Variants in SULF2 observed in about 807,000 individuals in gnomAD.
SULF2 encodes the protein extracellular sulfatase Sulf-2.
Under a neutral mutation model 107.7 loss-of-function variants are expected in SULF2, and 52 were observed. The ratio of observed to expected loss-of-function variants is 0.48; its 90% CI spans 0.39 to 0.61. The LOEUF (loss-of-function observed/expected upper bound fraction) is 0.61, where lower values mean the gene tolerates loss of function less well. SULF2 is among the 20% of genes least tolerant of loss of function. The probability of loss-of-function intolerance (pLI) is 0.00; values close to 1 mark genes in which losing one functional copy is unlikely to be tolerated. For synonymous variants in SULF2, 460 were observed against 464.3 expected (o/e 0.99, Z 0.12); for missense variants, 993 against 1,177.3 (o/e 0.84, Z 2.29).
chr20:47,752,985 C>T (rs1264053350), intron 2 of SULF2, among the ~76,000 whole-genome samples: 1 of 150,946 alleles, frequency 6.6e-6, no homozygotes, highest in African/African-American at 2.4e-5. Context: ...CCTGTAATTC[C>T]AGCTACTTGG....
chr20:47,722,857 G>T (rs1769262105), intron 3 of SULF2, among the ~76,000 whole-genome samples: 1 of 152,132 alleles, frequency 6.6e-6, no homozygotes, highest in Admixed American at 6.5e-5. Context: ...CTTGAGGTCA[G>T]GAGTTCAAGA....
Position 47,690,314 on chromosome 20 carries a change from C to T in SULF2, c.568-19G>A, listed in dbSNP as rs371522554. The T allele has an allele frequency of 2.6e-5, 37 of 1,436,580 alleles. No homozygotes were observed. In the East Asian group the frequency reaches 6.8e-4, roughly 26 times the overall value. The allele number at this position is 1,436,580 out of a possible 1,614,324, so 89.0% of individuals were successfully genotyped here. A position where few individuals can be genotyped will look rare whatever the true frequency, so the allele number is the denominator to read the frequency against. On this transcript the variant is annotated intron_variant, in intron 4 of 20. Transcript: ENST00000688720. ...GGTAATCCTGGGGGGTGGGGAGAGA[C>T]AGGAGAACAGGTGAGGAGCCAGGTA...
chr20:47,668,321 CCT>C (rs1203697643), intron 11 of SULF2, among the ~76,000 whole-genome samples: 1 of 152,236 alleles, frequency 6.6e-6, no homozygotes, highest in Non-Finnish European at 1.5e-5. Context: ...TTCCCTTATA[CCT>C]CTGCAGTCGC....
intron 2 of SULF2, among the ~76,000 whole-genome samples, chr20:47,748,704 A>G (rs1458446214): frequency 6.6e-6 from 1 of 152,060 alleles, no homozygotes; most frequent in East Asian, 1.9e-4. Context: ...GATCGGAGAA[A>G]GAAGAGAGTG....
At chr20:47,691,736 A>C (rs1045764676) in intron 4 of SULF2, among the ~76,000 whole-genome samples, 10 of 152,302 alleles carry the variant, frequency 6.6e-5, no homozygotes, top group South Asian at 2.1e-4. Flanking sequence ...CACACACACA[A>C]AAAAGGGATG....
intron 1 of SULF2, among the ~76,000 whole-genome samples, chr20:47,762,646 G>A (rs528104467): frequency 6.6e-6 from 1 of 152,246 alleles, no homozygotes; most frequent in Non-Finnish European, 1.5e-5. Context: ...CATTTGCCAG[G>A]TGGCCAGGTG....
rs1288689684 is a variant in SULF2 at position 47,672,215 on chromosome 20, T to G, written c.1559A>C (p.Lys520Thr). ...ACACTTACTCTTCTTGAAGAGTTTT[T>G]TCCGGCGTCCGGCCAGGCTGAGCTT... The part of the protein sequence containing the change: ...DYKLSLAGRR[K>T]KLFKKKYKAS... Residue 520 changes from lysine (K) to threonine (T), a missense_variant, in exon 11 of 21, where the codon AAA becomes ACA. Lys to Thr is a moderately conservative substitution (Grantham distance 78). Coordinates refer to ENST00000688720, the MANE Select transcript of SULF2 (RefSeq NM_001387048.1). The G allele has an allele frequency of 1.2e-6, 2 of 1,609,262 alleles. No homozygotes were observed. Among genetic ancestry groups the G allele is most frequent in the East Asian group, 2.2e-5 (1 of 44,746 alleles).
chr20:47,734,242 T>A (rs746198017), intron 3 of SULF2, among the ~76,000 whole-genome samples: 2 of 152,178 alleles, frequency 1.3e-5, no homozygotes, highest in African/African-American at 2.4e-5. Context: ...CCGGTCTCTC[T>A]CACACACACA....
intron 1 of SULF2, among the ~76,000 whole-genome samples, chr20:47,778,526 A>G (rs553198468): frequency 6.6e-6 from 1 of 152,390 alleles, no homozygotes; most frequent in South Asian, 2.1e-4. Context: ...CTGGTTACAG[A>G]GAATTCCAAG....
At chr20:47,713,764 T>A (rs964593808) in intron 3 of SULF2, among the ~76,000 whole-genome samples, 7 of 144,170 alleles carry the variant, frequency 4.9e-5, no homozygotes, top group African/African-American at 1.8e-4. Flanking sequence ...AAAAAAAAAA[T>A]AATAAAAAAC....
At chr20:47,683,270 C>T (rs2146506310) in intron 6 of SULF2, 101 bp from the exon 7 acceptor site, 1 of 1,235,030 alleles carries the variant, frequency 8.1e-7, no homozygotes, top group Non-Finnish European at 1.1e-6. Context: ...CCCGTCCCTC[C>T]CCTGCTTCAG....
intron 4 of SULF2, among the ~76,000 whole-genome samples, chr20:47,701,408 T>C (rs775810356): frequency 6.6e-6 from 1 of 152,204 alleles, no homozygotes; most frequent in Non-Finnish European, 1.5e-5. Flanking sequence ...TGAAAATTCA[T>C]CCAGCGGTCC....
At chr20:47,720,609 A>AT (rs1304737486) in intron 3 of SULF2, among the ~76,000 whole-genome samples, 18 of 149,276 alleles carry the variant, frequency 1.2e-4, no homozygotes, top group African/African-American at 4.5e-4. Flanking sequence ...AAATTTCCAG[A>AT]TTTTAAAAAG....
chr20:47,767,053 C>T (rs1191541435), intron 1 of SULF2, among the ~76,000 whole-genome samples: 1 of 152,046 alleles, frequency 6.6e-6, no homozygotes, highest in Admixed American at 6.6e-5. Context: ...GAAAATGCCA[C>T]AGGGAACACG....
intron 3 of SULF2, among the ~76,000 whole-genome samples, chr20:47,725,888 G>C (rs2089429325): frequency 6.6e-6 from 1 of 152,204 alleles, no homozygotes; most frequent in Admixed American, 6.5e-5. Context: ...GACACGGATG[G>C]ATTCCCAAAG....
At chr20:47,779,388 G>A (rs993542182) in intron 1 of SULF2, among the ~76,000 whole-genome samples, 1 of 152,018 alleles carries the variant, frequency 6.6e-6, no homozygotes, top group African/African-American at 2.4e-5. Context: ...GAAGTCCTGT[G>A]GGCCCTACCT....
At chr20:47,670,905 AAT>A (rs1358955618) in intron 11 of SULF2, among the ~76,000 whole-genome samples, 13 of 152,048 alleles carry the variant, frequency 8.5e-5, no homozygotes, top group African/African-American at 2.9e-4. Flanking sequence ...CAACACCTAA[AAT>A]CTCTCATTAG....
At chr20:47,769,540 C>T (rs919999547) in intron 1 of SULF2, among the ~76,000 whole-genome samples, 8 of 151,990 alleles carry the variant, frequency 5.3e-5, no homozygotes, top group African/African-American at 1.9e-4. Flanking sequence ...ACCAGAAGCT[C>T]GCATGGGCAG....
chr20:47,677,207 G>GGGAC, intron 8 of SULF2, 73 bp from the exon 9 acceptor site: 1 of 1,550,966 alleles, frequency 6.4e-7, no homozygotes, highest in East Asian at 2.2e-5. Context: ...CCCAGGAGCA[G>GGGAC]GGACGGCACC....
Sources: allele counts gnomAD v4.1 joint callset (sites outside exome capture counted in the v4.1 genomes callset), GRCh38; gene constraint gnomAD v4.1.1; transcripts MANE v1.5; gene names NCBI Gene and HGNC (gene_info 2026-07-23, HGNC 2026-07-21).